Variants in ATP6AP1 observed in about 807,000 individuals in gnomAD.
ATP6AP1 encodes the protein ATPase H+ transporting accessory protein 1, also known as V-type proton ATPase subunit S1.
Under a neutral mutation model 32.0 loss-of-function variants are expected in ATP6AP1, and 1 was observed. The observed-to-expected ratio is 0.03, with a 90% CI of 0.01 to 0.15. ATP6AP1 has a LOEUF of 0.15. ATP6AP1 is among the 10% of genes least tolerant of loss of function. ATP6AP1 has a pLI of 1.00. For missense variants in ATP6AP1, 297 were observed against 398.8 expected, an observed-to-expected ratio of 0.74 and a Z score of 2.17; for synonymous variants, 187 against 174.9, an observed-to-expected ratio of 1.07 and a Z score of -0.55.
In ATP6AP1 at chrX:154,433,709, C is replaced by A; in HGVS notation, c.673C>A (p.Arg225Ser). Reference sequence around the variant, plus strand: ...ATACACAGCGGCCCTCACAGCGGTCCGCCCTTCCAGGGTATGTGCCCTTCC... The same window carrying A: ...ATACACAGCGGCCCTCACAGCGGTCAGCCCTTCCAGGGTATGTGCCCTTCC... ...VPYTAALTAV[R>S]PSRVARDVAV... The change falls in exon 6 of 10, where the codon CGC (arginine) becomes AGC (serine). Residue 225 changes from arginine to serine, a missense_variant. Physicochemically the swap from Arg to Ser is moderately radical, Grantham distance 110 (BLOSUM62 -1). Coordinates refer to ENST00000369762, the MANE Select transcript of ATP6AP1 (RefSeq NM_001183.6). 1 of 1,211,067 alleles carries A rather than the reference C, an allele frequency of 8.3e-7. No individual in the cohort carries two copies. The highest frequency in any genetic ancestry group is 1.7e-5 in the African/African-American group (1 of 57,842).
chrX:154,433,052 G>C, intron 5 of ATP6AP1, 81 bp downstream of exon 5: 5 of 1,104,933 alleles, frequency 4.5e-6, no homozygotes, highest in Non-Finnish European at 6.2e-6. Flanking sequence ...GCAGTTCCTC[G>C]GCCTCCTCAC....
At chrX:154,429,199 C>A (rs782237398) in intron 2 of ATP6AP1, 25 bp downstream of exon 2, 2 of 1,207,842 alleles carry the variant, frequency 1.7e-6, no homozygotes, top group South Asian at 1.8e-5. Context: ...GCCCACTCTC[C>A]CCCGGTCATC....
rs941468530 is a variant in ATP6AP1 at position 154,432,611 on chromosome X, G to C, written c.557+152G>C. 16 of 827,094 alleles carry C rather than the reference G, an allele frequency of 1.9e-5. No individual in the cohort carries two copies. In the African/African-American group the frequency reaches 2.9e-4, roughly 15 times the overall value. The allele number at this position is 827,094 out of a possible 1,213,427, so 68.2% of individuals were successfully genotyped here. A position where few individuals can be genotyped will look rare whatever the true frequency, so the allele number is the denominator to read the frequency against. ...GAAGGTGCCCTGTGTGGCCAGAAGAGGAGGGGAGGGCCTCTTCTGTGACTC... is the reference window on the plus strand; with the variant it reads ...GAAGGTGCCCTGTGTGGCCAGAAGACGAGGGGAGGGCCTCTTCTGTGACTC... On this transcript the variant is annotated intron_variant, in intron 4 of 9. Coordinates refer to ENST00000369762, the MANE Select transcript of ATP6AP1 (RefSeq NM_001183.6).
chrX:154,432,234 T>C, intron 3 of ATP6AP1, 32 bp from the exon 4 acceptor site: 1 of 1,159,179 alleles, frequency 8.6e-7, no homozygotes. Context: ...GGCCCCTGGC[T>C]AACTCACCTT....
chrX:154,433,157 C>T (rs781791030), intron 5 of ATP6AP1, among the ~76,000 whole-genome samples, 186 bp downstream of exon 5: 31 of 111,787 alleles, frequency 2.8e-4, no homozygotes, highest in Admixed American at 2.0e-3. Flanking sequence ...GACAGAAGAC[C>T]CTGTCCAGCC....
intron 7 of ATP6AP1, 108 bp downstream of exon 7, chrX:154,434,554 G>C: frequency 1.3e-6 from 1 of 787,279 alleles, no homozygotes; most frequent in Non-Finnish European, 1.9e-6. Flanking sequence ...TTTGGGGTGG[G>C]GATGGCCATG....
At position 154,432,364 on chromosome X, in the gene ATP6AP1, C is replaced by T; in HGVS notation, c.462C>T (p.Ala154=). ...LTTYLQEKLG[A]SPLHVDLATL... ...CTTACCTGCAGGAGAAGCTCGGGGCCAGCCCCTTGCATGTGGACCTGGCCA... is the reference window on the plus strand; with the variant it reads ...CTTACCTGCAGGAGAAGCTCGGGGCTAGCCCCTTGCATGTGGACCTGGCCA... Residue 154 remains alanine, a synonymous_variant, in exon 4 of 10, where the codon GCC becomes GCT. Transcript: ENST00000369762. 1 of 1,211,662 alleles carries T rather than the reference C, an allele frequency of 8.3e-7. No homozygotes were observed. The highest frequency in any genetic ancestry group is 1.1e-6 in the Non-Finnish European group (1 of 895,364).
At chrX:154,434,552 G>T in intron 7 of ATP6AP1, 106 bp downstream of exon 7, 1 of 818,913 alleles carries the variant, frequency 1.2e-6, no homozygotes. Flanking sequence ...GTTTTGGGGT[G>T]GGGATGGCCA....
intron 2 of ATP6AP1, 50 bp downstream of exon 2, chrX:154,429,224 C>T (rs1557196406): frequency 1.7e-6 from 2 of 1,184,367 alleles, no homozygotes; most frequent in Middle Eastern, 2.3e-4. Context: ...GGCAGCCAGG[C>T]CCCCTCCCCC....
In ATP6AP1 at chrX:154,435,392, C is replaced by G; in HGVS notation, c.1090C>G (p.Pro364Ala). 1 of 1,212,197 alleles carries G rather than the reference C, an allele frequency of 8.2e-7. No individual in the cohort carries two copies. The highest frequency in any genetic ancestry group is 2.2e-5 in the Admixed American group (1 of 46,099). Residue 364 changes from proline to alanine, a missense_variant, in exon 9 of 10, where the codon CCC (proline) becomes GCC (alanine). This residue lies in a region of ATP6AP1 where 155 missense variants were observed against 253.8 expected (regional missense o/e 0.61). Coordinates refer to ENST00000369762, the MANE Select transcript of ATP6AP1 (RefSeq NM_001183.6). ...AYFNASQVTG[P>A]SIYSFHCEYV... ...CTTCAATGCTTCCCAGGTCACAGGG[C>G]CCAGCATCTACTCCTTCCACTGCGA...
At position 154,429,210 on chromosome X, in the gene ATP6AP1, G is replaced by C. The variant is rs782437938; in HGVS notation, c.288+36G>C. 4 of 1,202,325 alleles carry C rather than the reference G, an allele frequency of 3.3e-6. No homozygotes were observed. In the Admixed American group the frequency reaches 8.8e-5, roughly 26 times the overall value. On this transcript the variant is annotated intron_variant, in intron 2 of 9. Transcript: ENST00000369762. ...CCCAGCCCACTCTCCCCCGGTCATCGGGAGGCAGCCAGGCCCCCTCCCCCC... is the reference window on the plus strand; with the variant it reads ...CCCAGCCCACTCTCCCCCGGTCATCCGGAGGCAGCCAGGCCCCCTCCCCCC...
chrX:154,432,499 G>C, intron 4 of ATP6AP1, 40 bp downstream of exon 4: 1 of 1,140,217 alleles, frequency 8.8e-7, no homozygotes, highest in Non-Finnish European at 1.2e-6. Flanking sequence ...TCGGGGCCCA[G>C]AGAGCAGCAA....
chrX:154,435,536 G>T lies in ATP6AP1; in HGVS notation c.1203+31G>T, dbSNP rs373029897. 5.0e-6 allele frequency: 6 copies of T among 1,198,562 alleles called. No homozygotes were observed. The Admixed American group carries it at 6.5e-5, about 13-fold the overall frequency. ...GAGCGGGCGTGGCCCAGCTTCAGGT[G>T]GGGGAGCCCAGGCTAGTGGTTGAGA... is the stretch of plus-strand genomic sequence containing the variant. On this transcript the variant is annotated intron_variant, in intron 9 of 9. Coordinates refer to ENST00000369762, the MANE Select transcript of ATP6AP1 (RefSeq NM_001183.6).
chrX:154,431,724 T>C lies in ATP6AP1; in HGVS notation c.289-106T>C, dbSNP rs3737557. 0.22 allele frequency: 169,580 copies of C among 756,168 alleles called. 20,215 individuals are homozygous for C. Among genetic ancestry groups the C allele is most frequent in the African/African-American group, 0.69 (32,441 of 47,123 alleles). 62.3% of individuals were successfully genotyped at this position (756,168 alleles called of 1,213,427 possible). On this transcript the variant is annotated intron_variant, in intron 2 of 9. Transcript: ENST00000369762. ...CCACCATACTGAACCTGACTCTCAGTGAGACTTTGCTGGCCCTGAGAATGC... is the reference window on the plus strand; with the variant it reads ...CCACCATACTGAACCTGACTCTCAGCGAGACTTTGCTGGCCCTGAGAATGC...
At chrX:154,432,906 C>G (rs782119422) in intron 4 of ATP6AP1, 25 bp from the exon 5 acceptor site, 2 of 1,211,381 alleles carry the variant, frequency 1.7e-6, no homozygotes, top group Non-Finnish European at 1.1e-6. Context: ...CCTGAGGACT[C>G]TGGCGCTCTG....
intron 5 of ATP6AP1, among the ~76,000 whole-genome samples, 156 bp downstream of exon 5, chrX:154,433,127 G>C (rs1223227596): frequency 9.0e-6 from 1 of 111,596 alleles, no homozygotes; most frequent in Non-Finnish European, 1.9e-5. Context: ...CTGGCTCCCA[G>C]GACCAGCCAG....
In ATP6AP1 at chrX:154,428,800, GGCGGCGGCA is replaced by G. The variant is rs1446432947; in HGVS notation, c.116_124del (p.Ala39_Ala41del). 5 of 1,120,599 alleles carry G rather than the reference GGCGGCGGCA, an allele frequency of 4.5e-6. No individual in the cohort carries two copies. The highest frequency in any genetic ancestry group is 7.2e-5 in the East Asian group (2 of 27,614). 92.3% of individuals were successfully genotyped at this position (1,120,599 alleles called of 1,213,427 possible). ...TGTTTTTGTCGTTGGCGGCGGCGGC[GGCGGCGGCA>G]GCGGCGGAGCAGCAGGTCCCGCTGG... On this transcript the variant is annotated inframe_deletion, in exon 1 of 10. Coordinates refer to ENST00000369762, the MANE Select transcript of ATP6AP1 (RefSeq NM_001183.6).
chrX:154,435,879 C>A lies in ATP6AP1; in HGVS notation c.1401C>A (p.Thr467=). The change falls in exon 10 of 10, where the codon ACC becomes ACA. Residue 467 remains threonine (T), a synonymous_variant. Coordinates refer to ENST00000369762, the MANE Select transcript of ATP6AP1 (RefSeq NM_001183.6). ...DDHKGPTISL[T]QIV ...ACAAGGGCCCCACTATTTCTTTGAC[C>A]CAGATTGTGTGACCCTGTGCCAGTG... is the stretch of plus-strand genomic sequence containing the variant. 1 of 1,208,772 alleles carries A rather than the reference C, an allele frequency of 8.3e-7. No homozygotes were observed. Among genetic ancestry groups the A allele is most frequent in the Non-Finnish European group, 1.1e-6 (1 of 894,613 alleles).
rs1557196838 is a variant in ATP6AP1 at position 154,431,907 on chromosome X, G to A, written c.363+3G>A. On this transcript the variant is annotated splice_donor_region_variant and intron_variant, in intron 3 of 9. Coordinates refer to ENST00000369762, the MANE Select transcript of ATP6AP1 (RefSeq NM_001183.6). ...ACAGCGCCTTTTCTAACCTAGAGGT[G>A]AGAGTCCTCTCCCAGCCAGGGGCCA... The A allele has an allele frequency of 1.7e-6, 2 of 1,209,891 alleles. No homozygotes were observed. Among genetic ancestry groups the A allele is most frequent in the South Asian group, 1.8e-5 (1 of 56,946 alleles).
Sources: allele counts gnomAD v4.1 joint callset (sites outside exome capture counted in the v4.1 genomes callset), GRCh38; gene constraint gnomAD v4.1.1; regional missense constraint gnomAD v4.1.1; transcripts MANE v1.5; gene names NCBI Gene and HGNC (gene_info 2026-07-23, HGNC 2026-07-21).